The following CCSER1 variants were observed in gnomAD, a reference collection of about 807,000 sequenced individuals.
The protein encoded by CCSER1 is serine-rich coiled-coil domain-containing protein 1.
CCSER1 carries 41 observed loss-of-function variants against 82.0 expected under a neutral mutation model. The ratio of observed to expected loss-of-function variants is 0.50; its 90% CI spans 0.39 to 0.65. The LOEUF is 0.65. Among genes scored for constraint, CCSER1 ranks in the 30% least tolerant of loss-of-function variants. The pLI is 0.00. For synonymous variants in CCSER1, 414 were observed against 383.9 expected (o/e 1.08, Z -0.92); for missense variants, 1,119 against 1,064.2 (o/e 1.05, Z -0.72).
chr4:91,531,859 T>C (rs1397858469), intron 10 of CCSER1, among the ~76,000 whole-genome samples: 2 of 152,182 alleles, frequency 1.3e-5, no homozygotes, highest in Non-Finnish European at 2.9e-5. Context: ...CCACCTCTTA[T>C]TACTATTGCA....
At chr4:90,317,808 A>G (rs901431285) in intron 3 of CCSER1, among the ~76,000 whole-genome samples, 4 of 152,176 alleles carry the variant, frequency 2.6e-5, no homozygotes, top group African/African-American at 7.2e-5. Flanking sequence ...GCCTTTTACC[A>G]TGGCAAAAAG....
chr4:91,538,037 T>G (rs1188056405), intron 10 of CCSER1, among the ~76,000 whole-genome samples: 1 of 152,074 alleles, frequency 6.6e-6, no homozygotes, highest in Non-Finnish European at 1.5e-5. Flanking sequence ...TTGACTGTTC[T>G]TAAAGGGACT....
chr4:90,730,203 C>T (rs1744443641), intron 7 of CCSER1, among the ~76,000 whole-genome samples: 1 of 152,100 alleles, frequency 6.6e-6, no homozygotes, highest in African/African-American at 2.4e-5. Flanking sequence ...AAGACAGAAG[C>T]CAAATTGTGG....
chr4:90,161,628 T>G (rs1729464010), intron 1 of CCSER1, among the ~76,000 whole-genome samples: 1 of 152,064 alleles, frequency 6.6e-6, no homozygotes, highest in Non-Finnish European at 1.5e-5. Context: ...AATTAGATAG[T>G]ATATATAAAA....
intron 4 of CCSER1, among the ~76,000 whole-genome samples, chr4:90,433,535 C>T (rs1758589919): frequency 6.6e-6 from 1 of 152,004 alleles, no homozygotes; most frequent in African/African-American, 2.4e-5. Context: ...CCTAATGTTT[C>T]CTTGTCTTTA....
At chr4:91,560,629 A>G (rs1016496522) in intron 10 of CCSER1, among the ~76,000 whole-genome samples, 2 of 151,456 alleles carry the variant, frequency 1.3e-5, no homozygotes, top group African/African-American at 4.8e-5. Flanking sequence ...AACAAACACA[A>G]TGTCTGGTAA....
chr4:90,162,718 G>A (rs977907602), intron 1 of CCSER1, among the ~76,000 whole-genome samples: 2 of 152,112 alleles, frequency 1.3e-5, no homozygotes, highest in South Asian at 2.1e-4. Context: ...GTGCTGCAGA[G>A]ATGTGGTTGG....
intron 10 of CCSER1, among the ~76,000 whole-genome samples, chr4:91,323,016 G>A (rs560768818): frequency 1.3e-5 from 2 of 152,226 alleles, no homozygotes; most frequent in African/African-American, 4.8e-5. Flanking sequence ...TGCTGAGAGA[G>A]GAAAGCCCAA....
At chr4:90,487,348 G>T (rs1767268846) in intron 5 of CCSER1, among the ~76,000 whole-genome samples, 1 of 152,158 alleles carries the variant, frequency 6.6e-6, no homozygotes, top group Non-Finnish European at 1.5e-5. Context: ...TGCACAGAAG[G>T]TCATCTCATT....
At chr4:91,276,546 G>A (rs538000244) in intron 10 of CCSER1, among the ~76,000 whole-genome samples, 1 of 151,920 alleles carries the variant, frequency 6.6e-6, no homozygotes, top group Non-Finnish European at 1.5e-5. Flanking sequence ...TTTTGGTGGA[G>A]TCTTTAGCTC....
At chr4:90,140,388 T>G (rs1172554498) in intron 1 of CCSER1, among the ~76,000 whole-genome samples, 1 of 152,198 alleles carries the variant, frequency 6.6e-6, no homozygotes, top group East Asian at 1.9e-4. Flanking sequence ...ATGATTGTCT[T>G]TGATTTTAGA....
At chr4:91,050,421 A>C (rs1742899348) in intron 9 of CCSER1, among the ~76,000 whole-genome samples, 1 of 114,768 alleles carries the variant, frequency 8.7e-6, no homozygotes, top group African/African-American at 3.3e-5. Context: ...ATAGAGTGAG[A>C]CTCTGTCTCA....
intron 10 of CCSER1, among the ~76,000 whole-genome samples, chr4:91,193,776 TTA>T (rs1365782225): frequency 2.0e-5 from 3 of 152,100 alleles, no homozygotes; most frequent in Admixed American, 6.6e-5. Context: ...TGCCCATTGC[TTA>T]TATGTCTTTA....
chr4:90,732,886 T>A (rs1171940319), intron 7 of CCSER1, among the ~76,000 whole-genome samples: 3 of 152,206 alleles, frequency 2.0e-5, no homozygotes, highest in Non-Finnish European at 4.4e-5. Context: ...GGCTGAATAG[T>A]GTTCATTGTG....
chr4:90,530,286 T>C (rs1333856123), intron 5 of CCSER1, among the ~76,000 whole-genome samples: 4 of 152,202 alleles, frequency 2.6e-5, no homozygotes, highest in East Asian at 3.9e-4. Flanking sequence ...AACACTCTTA[T>C]AGTTTTCATA....
intron 4 of CCSER1, among the ~76,000 whole-genome samples, chr4:90,413,981 A>AAAAAAAAAAAAT (rs1560481885): frequency 1.9e-5 from 1 of 52,454 alleles, no homozygotes; most frequent in Non-Finnish European, 3.0e-5. Flanking sequence ...AAAAAAAAAA[A>AAAAAAAAAAAAT]ATATATATAT....
At chr4:90,641,798 A>G (rs1323277429) in intron 6 of CCSER1, 1 of 188,790 alleles carries the variant, frequency 5.3e-6, no homozygotes, top group African/African-American at 2.3e-5. Context: ...TTATAAGAAA[A>G]CGAACTGCAA....
intron 9 of CCSER1, among the ~76,000 whole-genome samples, chr4:91,085,108 T>A (rs911943368): frequency 2.1e-5 from 2 of 97,266 alleles, no homozygotes; most frequent in Non-Finnish European, 4.2e-5. Flanking sequence ...TACAGGACAC[T>A]TTTTTTTTTT....
At chr4:90,979,143 A>T (rs1735875763) in intron 9 of CCSER1, among the ~76,000 whole-genome samples, 1 of 151,386 alleles carries the variant, frequency 6.6e-6, no homozygotes, top group Admixed American at 6.6e-5. Flanking sequence ...GTATATAAAC[A>T]TAAATATATA....
Sources: allele counts gnomAD v4.1 joint callset (sites outside exome capture counted in the v4.1 genomes callset), GRCh38; gene constraint gnomAD v4.1.1; transcripts MANE v1.5; gene names NCBI Gene and HGNC (gene_info 2026-07-23, HGNC 2026-07-21).